Variants in SLC35F2 observed in about 807,000 individuals in gnomAD.
SLC35F2 encodes the protein queuine/queuosine transporter SLC35F2.
SLC35F2 carries 25 observed loss-of-function variants against 38.1 expected under a neutral mutation model. The ratio of observed to expected loss-of-function variants is 0.66; its 90% CI spans 0.48 to 0.92. The LOEUF (loss-of-function observed/expected upper bound fraction) is 0.92, where lower values mean the gene tolerates loss of function less well. Ranked by LOEUF, SLC35F2 falls within the 40% of genes least tolerant of loss-of-function variation. The probability of loss-of-function intolerance (pLI) is 0.00; values close to 1 mark genes in which losing one functional copy is unlikely to be tolerated. For synonymous variants in SLC35F2, 173 were observed against 181.7 expected, an observed-to-expected ratio of 0.95 and a Z score of 0.38; for missense variants, 409 against 452.9, an observed-to-expected ratio of 0.90 and a Z score of 0.88.
At chr11:107,792,897 T>A (rs1859155310) in intron 7 of SLC35F2, 97 bp from the exon 8 acceptor site, 1 of 1,363,832 alleles carries the variant, frequency 7.3e-7, no homozygotes, top group Non-Finnish European at 9.4e-7. Flanking sequence ...CCTCTCATAA[T>A]CTTTTTATTT....
At chr11:107,852,550 CAA>C (rs550992360) in intron 1 of SLC35F2, among the ~76,000 whole-genome samples, 5,339 of 58,314 alleles carry the variant, frequency 0.092, 232 homozygotes, top group African/African-American at 0.17. Context: ...GACTCCACCT[CAA>C]AAAAAAAAAA....
rs948214071 is a variant in SLC35F2, at chr11:107,792,300, G to A, written c.*315C>T. On this transcript the variant is annotated 3_prime_UTR_variant, in exon 8 of 8. Coordinates refer to ENST00000525815, the MANE Select transcript of SLC35F2 (RefSeq NM_017515.5). The stretch of plus-strand genomic sequence containing the variant: ...CCCGCCCTGGCCTGAGGCTGGCTCA[G>A]TCCTGGATCTCTCCCCAGTCCTGCT... 1 of 223,346 alleles carries A rather than the reference G, an allele frequency of 4.5e-6. No homozygotes were observed. The highest frequency in any genetic ancestry group is 8.6e-6 in the Non-Finnish European group (1 of 115,792). The allele number at this position is 223,346 out of a possible 1,614,324, so 13.8% of individuals were successfully genotyped here.
At chr11:107,825,058 C>G (rs1335650883) in intron 1 of SLC35F2, among the ~76,000 whole-genome samples, 1 of 152,160 alleles carries the variant, frequency 6.6e-6, no homozygotes, top group Non-Finnish European at 1.5e-5. Flanking sequence ...GACAGTGAAG[C>G]CAGGGATCAG....
chr11:107,846,365 C>A (rs1005965273), intron 1 of SLC35F2, among the ~76,000 whole-genome samples: 2 of 151,946 alleles, frequency 1.3e-5, no homozygotes, highest in African/African-American at 2.4e-5. Context: ...AACATGATAC[C>A]ACGATAAAGG....
chr11:107,803,758 T>C (rs1859352486), intron 6 of SLC35F2, among the ~76,000 whole-genome samples: 1 of 130,250 alleles, frequency 7.7e-6, no homozygotes, highest in South Asian at 2.4e-4. Flanking sequence ...ACTACTTCTT[T>C]AATCTCATCC....
intron 7 of SLC35F2, among the ~76,000 whole-genome samples, chr11:107,794,513 T>C (rs1366419354): frequency 6.6e-6 from 1 of 152,226 alleles, no homozygotes; most frequent in African/African-American, 2.4e-5. Flanking sequence ...GGCCTTATTT[T>C]TCCTTTCAAC....
chr11:107,828,766 GT>G, intron 1 of SLC35F2, among the ~76,000 whole-genome samples: 1 of 152,210 alleles, frequency 6.6e-6, no homozygotes, highest in East Asian at 1.9e-4. Flanking sequence ...AAAATTATAT[GT>G]CTCCTGCTAT....
chr11:107,831,735 C>CAAGTGT (rs1426483727), intron 1 of SLC35F2, among the ~76,000 whole-genome samples: 1 of 152,140 alleles, frequency 6.6e-6, no homozygotes, highest in Non-Finnish European at 1.5e-5. Context: ...CCTTTCTTTT[C>CAAGTGT]AAGTGTAAGT....
intron 1 of SLC35F2, among the ~76,000 whole-genome samples, chr11:107,842,414 CATG>C (rs1417113446): frequency 6.6e-6 from 1 of 151,934 alleles, no homozygotes; most frequent in Non-Finnish European, 1.5e-5. Context: ...AGTGCAGTAG[CATG>C]ATGTCAACTC....
chr11:107,842,280 A>AAAAAAAAAAAAAG (rs1860024949), intron 1 of SLC35F2, among the ~76,000 whole-genome samples: 1 of 148,602 alleles, frequency 6.7e-6, no homozygotes, highest in Non-Finnish European at 1.5e-5. Context: ...AAAAAAAAAA[A>AAAAAAAAAAAAAG]AAAAATTAAA....
At chr11:107,834,577 G>A (rs113537908) in intron 1 of SLC35F2, among the ~76,000 whole-genome samples, 3,132 of 152,200 alleles carry the variant, frequency 0.021, 97 homozygotes, top group African/African-American at 0.07. Context: ...TTGAACCCAG[G>A]AGGCGGAGGT....
intron 1 of SLC35F2, among the ~76,000 whole-genome samples, chr11:107,843,289 C>G (rs2134846959): frequency 6.6e-6 from 1 of 152,200 alleles, no homozygotes; most frequent in Non-Finnish European, 1.5e-5. Flanking sequence ...TGAGGCTGGC[C>G]AGGCACAGTG....
intron 3 of SLC35F2, among the ~76,000 whole-genome samples, chr11:107,807,730 T>C (rs1339549157): frequency 6.6e-6 from 1 of 152,068 alleles, no homozygotes; most frequent in Non-Finnish European, 1.5e-5. Context: ...TCTGCCACCA[T>C]GCCCAGCTAA....
chr11:107,836,233 CTT>C (rs34704393), intron 1 of SLC35F2, among the ~76,000 whole-genome samples: 1 of 151,728 alleles, frequency 6.6e-6, no homozygotes, highest in South Asian at 2.1e-4. Flanking sequence ...TTTTCTTTTT[CTT>C]TTTTGTTTCC....
intron 5 of SLC35F2, 141 bp from the exon 6 acceptor site, chr11:107,804,911 T>G (rs1859369605): frequency 3.4e-6 from 4 of 1,173,502 alleles, no homozygotes; most frequent in Non-Finnish European, 3.6e-6. Flanking sequence ...AATAACGATC[T>G]TTAATAAAAA....
intron 1 of SLC35F2, 87 bp from the exon 2 acceptor site, chr11:107,816,052 ACT>A: frequency 5.2e-6 from 7 of 1,354,728 alleles, no homozygotes; most frequent in South Asian, 2.1e-5. Context: ...ACACACACAC[ACT>A]GCTAAACACA....
intron 1 of SLC35F2, among the ~76,000 whole-genome samples, chr11:107,849,364 T>A (rs1860140637): frequency 6.6e-6 from 1 of 151,922 alleles, no homozygotes; most frequent in Non-Finnish European, 1.5e-5. Context: ...TGAGGCCAGG[T>A]GCGGTGGCTC....
intron 1 of SLC35F2, among the ~76,000 whole-genome samples, chr11:107,852,958 C>A (rs1399518267): frequency 6.6e-6 from 1 of 151,840 alleles, no homozygotes; most frequent in Non-Finnish European, 1.5e-5. Context: ...ACAGGAGACT[C>A]GCTTGAACTC....
In SLC35F2 at chr11:107,810,897, G is replaced by A. The variant is rs1202585850; in HGVS notation, c.414+770C>T. The A allele has an allele frequency of 3.1e-6, 3 of 980,016 alleles. No individual in the cohort carries two copies. The African/African-American group carries it at 5.3e-5, about 17-fold the overall frequency. 60.7% of individuals were successfully genotyped at this position (980,016 alleles called of 1,614,324 possible). On this transcript the variant is annotated intron_variant, in intron 3 of 7. Transcript: ENST00000525815. ...CTCTGTATTTTGTATAGTGAGAAAG[G>A]GACATATCAAAAAGTTATAAACTTC...
Sources: gnomAD v4.1 joint callset for allele counts (sites outside exome capture counted in the v4.1 genomes callset) on GRCh38, gnomAD v4.1.1 for gene constraint, MANE v1.5 for transcripts, NCBI Gene and HGNC (gene_info 2026-07-23, HGNC 2026-07-21) for gene names.